SYN3: variants seen among roughly 807,000 people sequenced by gnomAD.
SYN3 encodes synapsin-3.
In SYN3, 35 loss-of-function variants were observed where a neutral mutation model predicts 65.8. The ratio of observed to expected loss-of-function variants is 0.53; its 90% CI spans 0.41 to 0.70. The LOEUF (loss-of-function observed/expected upper bound fraction) is 0.70, where lower values mean the gene tolerates loss of function less well. Ranked by LOEUF, SYN3 falls within the 30% of genes least tolerant of loss-of-function variation. The pLI is 0.00. For missense variants in SYN3, 680 were observed against 749.0 expected, an observed-to-expected ratio of 0.91 and a Z score of 1.08; for synonymous variants, 270 against 292.9, an observed-to-expected ratio of 0.92 and a Z score of 0.80.
At chr22:32,996,683 A>C (rs1019070800) in intron 2 of SYN3, among the ~76,000 whole-genome samples, 2 of 152,228 alleles carry the variant, frequency 1.3e-5, no homozygotes, top group Non-Finnish European at 2.9e-5. Flanking sequence ...CTTGCCTGAG[A>C]TCCCTTGGTG....
intron 6 of SYN3, chr22:32,858,224 G>A (rs1298463330): frequency 2.4e-5 from 38 of 1,575,542 alleles, no homozygotes; most frequent in South Asian, 5.8e-5. Context: ...TGGGTGCCAG[G>A]CCCTCGGCTG....
chr22:32,589,225 G>T (rs1401606674), intron 7 of SYN3, among the ~76,000 whole-genome samples: 1 of 152,142 alleles, frequency 6.6e-6, no homozygotes, highest in East Asian at 1.9e-4. Flanking sequence ...AACCTTCCCA[G>T]GCTAAGTCCC....
At chr22:32,749,689 G>T (rs2045053121) in intron 6 of SYN3, among the ~76,000 whole-genome samples, 1 of 152,086 alleles carries the variant, frequency 6.6e-6, no homozygotes, top group Non-Finnish European at 1.5e-5. Context: ...TTGTAGGGGG[G>T]ACACAAACAT....
intron 3 of SYN3, among the ~76,000 whole-genome samples, chr22:32,936,278 C>G (rs1255743192): frequency 1.3e-5 from 2 of 152,158 alleles, no homozygotes. Context: ...CATTTCAGGA[C>G]TATGATTCCT....
At chr22:33,035,214 TAGC>T (rs1324925592) in intron 1 of SYN3, among the ~76,000 whole-genome samples, 1 of 151,912 alleles carries the variant, frequency 6.6e-6, no homozygotes, top group African/African-American at 2.4e-5. Flanking sequence ...ATAATAATAA[TAGC>T]AGCTATTCAT....
chr22:32,779,802 C>CTCCTCCACGCTTT (rs1449483050), intron 6 of SYN3, among the ~76,000 whole-genome samples: 1 of 152,128 alleles, frequency 6.6e-6, no homozygotes, highest in Non-Finnish European at 1.5e-5. Context: ...TTGCTAGCGA[C>CTCCTCCACGCTTT]TCCTCCACGC....
intron 1 of SYN3, among the ~76,000 whole-genome samples, chr22:33,009,078 CTAGA>C (rs142963019): frequency 0.051 from 7,743 of 151,160 alleles, 207 homozygotes; most frequent in East Asian, 0.069. Context: ...TTTTGTGGGG[CTAGA>C]TAGATAGATG....
Position 32,906,671 on chromosome 22 carries a change from C to T in SYN3, c.461+24719G>A, listed in dbSNP as rs528460205. Among the ~76,000 whole-genome samples the T allele has an allele frequency of 1.1e-4, 16 of 152,130 alleles. 1 individual carries two copies. In the South Asian group the frequency reaches 3.3e-3, roughly 32 times the overall value. On this transcript the variant is annotated intron_variant, in intron 4 of 13. Coordinates refer to ENST00000358763, the MANE Select transcript of SYN3 (RefSeq NM_003490.4). ...CACCCTCCCCTTGCCCCCCACCCCCCGACAGGCCCGGGTGTGTGATGTTCC... is the reference window on the plus strand; with the variant it reads ...CACCCTCCCCTTGCCCCCCACCCCCTGACAGGCCCGGGTGTGTGATGTTCC...
chr22:32,538,983 C>A (rs756547196), intron 8 of SYN3, among the ~76,000 whole-genome samples: 1 of 152,112 alleles, frequency 6.6e-6, no homozygotes, highest in Non-Finnish European at 1.5e-5. Context: ...GGGTGAGGAA[C>A]TGTGTACACT....
At chr22:33,006,239 C>G in intron 2 of SYN3, 113 bp downstream of exon 2, 1 of 1,276,482 alleles carries the variant, frequency 7.8e-7, no homozygotes, top group Middle Eastern at 2.1e-4. Flanking sequence ...CAGCCAGGCT[C>G]TGATAGCACC....
At chr22:33,009,389 G>T (rs902002711) in intron 1 of SYN3, among the ~76,000 whole-genome samples, 4 of 152,044 alleles carry the variant, frequency 2.6e-5, no homozygotes, top group Non-Finnish European at 5.9e-5. Flanking sequence ...AAGTTTCATG[G>T]GTTTACTGGC....
intron 1 of SYN3, among the ~76,000 whole-genome samples, chr22:33,025,560 G>T (rs2053629241): frequency 6.6e-6 from 1 of 151,830 alleles, no homozygotes; most frequent in African/African-American, 2.4e-5. Flanking sequence ...CTTGAACCTG[G>T]GATGCCGAGG....
At chr22:32,681,665 C>A (rs975869924) in intron 6 of SYN3, among the ~76,000 whole-genome samples, 6 of 152,192 alleles carry the variant, frequency 3.9e-5, no homozygotes, top group African/African-American at 1.4e-4. Flanking sequence ...CACAATAGTA[C>A]CTCACTTTAT....
intron 6 of SYN3, among the ~76,000 whole-genome samples, chr22:32,763,942 C>T (rs1208950859): frequency 2.7e-5 from 4 of 147,608 alleles, no homozygotes; most frequent in East Asian, 4.1e-4. Flanking sequence ...AGCCCCCCCC[C>T]CCTTTTTTTT....
intron 4 of SYN3, among the ~76,000 whole-genome samples, chr22:32,916,679 A>G (rs1375746091): frequency 6.6e-6 from 1 of 152,166 alleles, no homozygotes; most frequent in African/African-American, 2.4e-5. Flanking sequence ...GAAGCTTGAA[A>G]ACATGCAAAC....
At chr22:32,517,930 G>T in intron 13 of SYN3, 113 bp downstream of exon 13, 2 of 1,216,930 alleles carry the variant, frequency 1.6e-6, no homozygotes, top group Non-Finnish European at 2.2e-6. Context: ...TTGAAGTCTA[G>T]GCAAGGCCTC....
At chr22:32,550,076 A>G (rs927510407) in intron 7 of SYN3, among the ~76,000 whole-genome samples, 6 of 152,206 alleles carry the variant, frequency 3.9e-5, no homozygotes, top group Admixed American at 3.9e-4. Context: ...TCAACTGGAG[A>G]AAGAATTTCC....
At position 32,509,443 on chromosome 22, in the gene SYN3, G is replaced by C. The variant is rs111417759; in HGVS notation, c.*4249C>G. Among the ~76,000 whole-genome samples the C allele has an allele frequency of 6.6e-6, 1 of 152,046 alleles. No homozygotes were observed. The highest frequency in any genetic ancestry group is 1.5e-5 in the Non-Finnish European group (1 of 68,004). ...TTTCAAAATGTCACAATTATTAAAG[G>C]TTACATGTTTGGAAGGAACAGGTAC... On this transcript the variant is annotated 3_prime_UTR_variant, in exon 14 of 14. Transcript: ENST00000358763.
chr22:32,842,832 T>C (rs2047952258), intron 6 of SYN3, among the ~76,000 whole-genome samples: 1 of 152,180 alleles, frequency 6.6e-6, no homozygotes. Flanking sequence ...TTCTAGATTT[T>C]TATTACTAAT....
Sources: allele counts gnomAD v4.1 joint callset (sites outside exome capture counted in the v4.1 genomes callset), GRCh38; gene constraint gnomAD v4.1.1; transcripts MANE v1.5; gene names NCBI Gene and HGNC (gene_info 2026-07-23, HGNC 2026-07-21).